The following CCDC88C variants were observed in gnomAD, a reference collection of about 807,000 sequenced individuals.
The protein encoded by CCDC88C is protein Daple.
In CCDC88C, 131 loss-of-function variants were observed where a neutral mutation model predicts 198.8. The observed-to-expected ratio is 0.66, with a 90% CI of 0.57 to 0.76. CCDC88C has a LOEUF of 0.76. Ranked by LOEUF, CCDC88C falls within the 30% of genes least tolerant of loss-of-function variation. The pLI is 0.00. For synonymous variants in CCDC88C, 1,166 were observed against 1,114.7 expected (o/e 1.05, Z -0.92); for missense variants, 2,553 against 2,631.6 (o/e 0.97, Z 0.65).
chr14:91,322,979 C>G lies in CCDC88C; in HGVS notation c.1343-1675G>C, dbSNP rs1302417334. On this transcript the variant is annotated intron_variant, in intron 12 of 29. Transcript: ENST00000389857. ...GGAGTGCAGTGGTGTGATCTTGGCT[C>G]GCTGCAACCTCCACCTCTCAGGTTC... 3.4e-5 allele frequency among the ~76,000 whole-genome samples: 5 copies of G among 146,838 alleles called. No individual in the cohort carries two copies. In the South Asian group the frequency reaches 1.1e-3, roughly 31 times the overall value.
chr14:91,309,984 G>A lies in CCDC88C; in HGVS notation c.2739C>T (p.Asp913=), dbSNP rs1234362487. 2 of 1,594,996 alleles carry A rather than the reference G, an allele frequency of 1.3e-6. No individual in the cohort carries two copies. Among genetic ancestry groups the A allele is most frequent in the Admixed American group, 1.7e-5 (1 of 57,822 alleles). The part of the protein sequence containing the change: ...HARTLTTLRE[D]LVLEKLKSQQ... ...GGCTCTTCAGCTTCTCGAGCACCAG[G>A]TCCTGGAATGATGGGGAGAGAGCAC... Residue 913 remains aspartate, a splice_region_variant and synonymous_variant, in exon 16 of 30, where the codon GAC becomes GAT. Coordinates refer to ENST00000389857, the MANE Select transcript of CCDC88C (RefSeq NM_001080414.4).
rs781599786 is a variant in CCDC88C at position 91,299,911 on chromosome 14, G to T, written c.3779+16C>A. Reference sequence around the variant, plus strand: ...CTGGGGTGCTGCTATGTGCAGGGCCGGGCGCCGGCGCTCACCTGTCCAGCT... The same window carrying T: ...CTGGGGTGCTGCTATGTGCAGGGCCTGGCGCCGGCGCTCACCTGTCCAGCT... On this transcript the variant is annotated intron_variant, in intron 21 of 29. Transcript: ENST00000389857. 65 of 1,574,098 alleles carry T rather than the reference G, an allele frequency of 4.1e-5. 1 individual carries two copies. In the South Asian group the frequency reaches 4.9e-4, roughly 12 times the overall value.
chr14:91,355,848 A>G (rs1894020450), intron 4 of CCDC88C, among the ~76,000 whole-genome samples: 1 of 152,110 alleles, frequency 6.6e-6, no homozygotes, highest in South Asian at 2.1e-4. Flanking sequence ...TTTTAGTATC[A>G]TTGTGTTGGG....
chr14:91,401,332 T>TTATATATA (rs10655580), intron 3 of CCDC88C, among the ~76,000 whole-genome samples: 69 of 136,668 alleles, frequency 5.0e-4, no homozygotes, highest in Middle Eastern at 3.6e-3. Flanking sequence ...ATTACATATA[T>TTATATATA]TATATATATA....
At position 91,378,381 on chromosome 14, in the gene CCDC88C, G is replaced by A. The variant is rs576801610; in HGVS notation, c.271-18670C>T. Among the ~76,000 whole-genome samples the A allele has an allele frequency of 7.2e-5, 11 of 152,326 alleles. No individual in the cohort carries two copies. The South Asian group carries it at 2.3e-3, about 32-fold the overall frequency. On this transcript the variant is annotated intron_variant, in intron 3 of 29. Coordinates refer to ENST00000389857, the MANE Select transcript of CCDC88C (RefSeq NM_001080414.4). ...GCTAAACCAGCTTGGGGCCCGGGGAGCGCTGGGCCTGACATGCAGGGAACT... is the reference window on the plus strand; with the variant it reads ...GCTAAACCAGCTTGGGGCCCGGGGAACGCTGGGCCTGACATGCAGGGAACT...
intron 3 of CCDC88C, among the ~76,000 whole-genome samples, chr14:91,362,931 GAAA>G (rs201994753): frequency 1.6e-5 from 2 of 123,828 alleles, no homozygotes; most frequent in Non-Finnish European, 1.8e-5. Context: ...TCCATCTCAG[GAAA>G]AAAAAAAAAA....
rs961782950 is a variant in CCDC88C at position 91,340,344 on chromosome 14, CAAAG to C, written c.484-324_484-321del. On this transcript the variant is annotated intron_variant, in intron 6 of 29. Coordinates refer to ENST00000389857, the MANE Select transcript of CCDC88C (RefSeq NM_001080414.4). Reference sequence around the variant, plus strand: ...ATTGGAGCTACATCAATGTAGAACACAAAGAAGGAAAGCTTCAGGGTGAGAGGGT... The same window carrying C: ...ATTGGAGCTACATCAATGTAGAACACAAGGAAAGCTTCAGGGTGAGAGGGT... Among the ~76,000 whole-genome samples the C allele has an allele frequency of 4.6e-5, 7 of 152,252 alleles. No homozygotes were observed. In the East Asian group the frequency reaches 1.2e-3, roughly 25 times the overall value.
intron 3 of CCDC88C, among the ~76,000 whole-genome samples, chr14:91,370,422 C>T (rs1894739077): frequency 6.6e-6 from 1 of 152,138 alleles, no homozygotes; most frequent in Non-Finnish European, 1.5e-5. Context: ...TTTCAAGTAA[C>T]CCCAGGAGCT....
In CCDC88C at chr14:91,288,147, C is replaced by T. The variant is rs893969218; in HGVS notation, c.4441+958G>A. 2.6e-5 allele frequency among the ~76,000 whole-genome samples: 4 copies of T among 152,200 alleles called. No individual in the cohort carries two copies. The highest frequency in any genetic ancestry group is 6.5e-5 in the Admixed American group (1 of 15,294). On this transcript the variant is annotated intron_variant, in intron 25 of 29. Coordinates refer to ENST00000389857, the MANE Select transcript of CCDC88C (RefSeq NM_001080414.4). This position sits in a 1 kb window ranked among gnomAD's most constrained non-coding sequence, Gnocchi z 4.2. ...TTTCAACAAGAGCGTAAGAAAAATTCGAAGTGGTGGCCCTGTACCGTTTGA... is the reference window on the plus strand; with the variant it reads ...TTTCAACAAGAGCGTAAGAAAAATTTGAAGTGGTGGCCCTGTACCGTTTGA...
intron 3 of CCDC88C, among the ~76,000 whole-genome samples, chr14:91,393,831 G>T (rs1885672738): frequency 1.3e-5 from 2 of 152,198 alleles, no homozygotes; most frequent in South Asian, 2.1e-4. Context: ...TCCAGCCTGG[G>T]CGACAGAGCG....
intron 3 of CCDC88C, among the ~76,000 whole-genome samples, chr14:91,393,843 G>C (rs1028222857): frequency 1.2e-4 from 19 of 152,316 alleles, no homozygotes; most frequent in Non-Finnish European, 2.4e-4. Context: ...GACAGAGCGA[G>C]ACTCCGTCTC....
At chr14:91,330,280 G>A (rs1362538196) in intron 10 of CCDC88C, among the ~76,000 whole-genome samples, 1 of 152,250 alleles carries the variant, frequency 6.6e-6, no homozygotes, top group African/African-American at 2.4e-5. Context: ...CCCCTGACCT[G>A]GCCGCAGAGT....
chr14:91,317,921 C>A (rs1167635695), intron 13 of CCDC88C, among the ~76,000 whole-genome samples: 1 of 152,220 alleles, frequency 6.6e-6, no homozygotes, highest in Non-Finnish European at 1.5e-5. Context: ...GATGCCTGGG[C>A]ACCACCCTGG....
At chr14:91,413,003 CG>C (rs1194458892) in intron 2 of CCDC88C, among the ~76,000 whole-genome samples, 3 of 152,100 alleles carry the variant, frequency 2.0e-5, no homozygotes, top group African/African-American at 7.2e-5. Context: ...CCTATTTCCC[CG>C]AGGATGTTTC....
At chr14:91,293,980 C>T (rs1890884608) in intron 23 of CCDC88C, among the ~76,000 whole-genome samples, 193 bp downstream of exon 23, 1 of 152,084 alleles carries the variant, frequency 6.6e-6, no homozygotes, top group African/African-American at 2.4e-5. Flanking sequence ...CAAAAGCCAA[C>T]TGAGAACTCT....
chr14:91,351,939 G>A (rs905805432), intron 4 of CCDC88C, among the ~76,000 whole-genome samples: 1 of 152,162 alleles, frequency 6.6e-6, no homozygotes, highest in African/African-American at 2.4e-5. Flanking sequence ...CACGCCTGCA[G>A]AAGCTGAGAG....
intron 3 of CCDC88C, among the ~76,000 whole-genome samples, chr14:91,391,895 TC>T (rs1206610996): frequency 7.9e-5 from 12 of 152,274 alleles, no homozygotes; most frequent in Non-Finnish European, 1.6e-4. Context: ...GAGCTGAAAG[TC>T]CGCTTTCCAG....
At chr14:91,411,538 C>T (rs2140018475) in intron 2 of CCDC88C, among the ~76,000 whole-genome samples, 1 of 152,310 alleles carries the variant, frequency 6.6e-6, no homozygotes, top group Admixed American at 6.5e-5. Context: ...AAAAGGCCAA[C>T]ACTCTAGTAT....
At chr14:91,289,411 C>G in intron 24 of CCDC88C, 68 bp from the exon 25 acceptor site, 1 of 1,347,002 alleles carries the variant, frequency 7.4e-7, no homozygotes, top group Non-Finnish European at 1.1e-6. Context: ...CCCTGGTTCC[C>G]TAACATGGGC....
Sources: allele counts gnomAD v4.1 joint callset (sites outside exome capture counted in the v4.1 genomes callset), GRCh38; gene constraint gnomAD v4.1.1; non-coding constraint Gnocchi (gnomAD v3.1); transcripts MANE v1.5; gene names NCBI Gene and HGNC (gene_info 2026-07-23, HGNC 2026-07-21).